Variants in ABCF2 observed in about 807,000 individuals in gnomAD.
The protein encoded by ABCF2 is ATP-binding cassette sub-family F member 2.
Under a neutral mutation model 76.9 loss-of-function variants are expected in ABCF2, and 37 were observed. The observed-to-expected ratio is 0.48, with a 90% CI of 0.37 to 0.63. ABCF2 has a LOEUF of 0.63. Ranked by LOEUF, ABCF2 falls within the 30% of genes least tolerant of loss-of-function variation. The probability of loss-of-function intolerance (pLI) is 0.00; values close to 1 mark genes in which losing one functional copy is unlikely to be tolerated. For synonymous variants in ABCF2, 299 were observed against 283.7 expected, an observed-to-expected ratio of 1.05 and a Z score of -0.54; for missense variants, 524 against 782.1, an observed-to-expected ratio of 0.67 and a Z score of 3.94.
rs1201338771 is a variant in ABCF2, at chr7:151,214,663, T to G, written c.1734+216A>C. On this transcript the variant is annotated intron_variant, in intron 14 of 14. Coordinates refer to ENST00000287844, the MANE Select transcript of ABCF2 (RefSeq NM_007189.3). This position sits in a 1 kb window ranked among gnomAD's most constrained non-coding sequence, Gnocchi z 4.9. Reference sequence around the variant, plus strand: ...GCCCAAAATGCTAAGTTGGTTGACATCTCCAGATAGCTACTGAAGAAATGA... The same window carrying G: ...GCCCAAAATGCTAAGTTGGTTGACAGCTCCAGATAGCTACTGAAGAAATGA... 6.6e-6 allele frequency among the ~76,000 whole-genome samples: 1 copy of G among 152,172 alleles called. No homozygotes were observed. Among genetic ancestry groups the G allele is most frequent in the Non-Finnish European group, 1.5e-5 (1 of 68,032 alleles).
In ABCF2 at chr7:151,213,313, G is replaced by A. The variant is rs1802084973; in HGVS notation, c.*741C>T. 1 of 984,050 alleles carries A rather than the reference G, an allele frequency of 1.0e-6. No homozygotes were observed. Among genetic ancestry groups the A allele is most frequent in the Non-Finnish European group, 1.2e-6 (1 of 828,676 alleles). The allele number at this position is 984,050 out of a possible 1,614,324, so 61.0% of individuals were successfully genotyped here. The stretch of plus-strand genomic sequence containing the variant: ...CCAGGTGATTCTGATTCATGTTAAA[G>A]TCTGTGAATCACAGGCCTGAGAAAA... On this transcript the variant is annotated 3_prime_UTR_variant, in exon 15 of 15. Transcript: ENST00000287844.
Position 151,226,520 on chromosome 7 carries a change from T to A in ABCF2, c.-42-20A>T, listed in dbSNP as rs988832645. 2 of 1,563,418 alleles carry A rather than the reference T, an allele frequency of 1.3e-6. No homozygotes were observed. The highest frequency in any genetic ancestry group is 1.7e-6 in the Non-Finnish European group (2 of 1,149,828). On this transcript the variant is annotated intron_variant, in intron 1 of 14. Coordinates refer to ENST00000287844, the MANE Select transcript of ABCF2 (RefSeq NM_007189.3). ...GGGAGCCTGAAGGAAGGCAAACAGATACCCCCAAACCCTAAACTTACTAGT... is the reference window on the plus strand; with the variant it reads ...GGGAGCCTGAAGGAAGGCAAACAGAAACCCCCAAACCCTAAACTTACTAGT...
chr7:151,226,160 C>A, intron 2 of ABCF2, 145 bp downstream of exon 2: 3 of 1,015,654 alleles, frequency 3.0e-6, no homozygotes, highest in South Asian at 3.3e-5. Flanking sequence ...GGCACGAATT[C>A]CAACTCTACT....
chr7:151,226,976 C>G (rs2150577651), intron 1 of ABCF2, 187 bp downstream of exon 1: 1 of 153,426 alleles, frequency 6.5e-6, no homozygotes, highest in African/African-American at 2.4e-5. Context: ...GCGTGAGTCC[C>G]CTCCGAGTCT....
rs1802077437 is a variant in ABCF2 at position 151,212,956 on chromosome 7, G to GT, written c.*1097dup. ...TGGGATTCCAGGCACATAAAGACGGGTTTTGCCATGTTTCCCAAGCTGGTC... is the reference window on the plus strand; with the variant it reads ...TGGGATTCCAGGCACATAAAGACGGGTTTTTGCCATGTTTCCCAAGCTGGTC... On this transcript the variant is annotated 3_prime_UTR_variant, in exon 15 of 15. Transcript: ENST00000287844. 1 of 524,888 alleles carries GT rather than the reference G, an allele frequency of 1.9e-6. No individual in the cohort carries two copies. Among genetic ancestry groups the GT allele is most frequent in the Non-Finnish European group, 2.4e-6 (1 of 409,502 alleles). 32.5% of individuals were successfully genotyped at this position (524,888 alleles called of 1,614,324 possible). A position where few individuals can be genotyped will look rare whatever the true frequency, so the allele number is the denominator to read the frequency against.
rs929872711 is a variant in ABCF2 at position 151,226,357 on chromosome 7, G to A, written c.102C>T (p.Val34=). The change falls in exon 2 of 15, where the codon GTC becomes GTT. Residue 34 remains valine, a synonymous_variant. Transcript: ENST00000287844. ...RKGHEENGDV[V]TEPQVAEKNE... The stretch of plus-strand genomic sequence containing the variant: ...TCTTCTCTGCCACCTGTGGTTCTGT[G>A]ACAACATCTCCATTTTCTTCATGTC... 10 of 1,614,084 alleles carry A rather than the reference G, an allele frequency of 6.2e-6. No homozygotes were observed. The Admixed American group carries it at 1.3e-4, about 22-fold the overall frequency.
Position 151,212,120 on chromosome 7 carries a change from G to T in ABCF2, c.*1934C>A, listed in dbSNP as rs2150570774. 1 of 984,648 alleles carries T rather than the reference G, an allele frequency of 1.0e-6. No individual in the cohort carries two copies. The highest frequency in any genetic ancestry group is 4.7e-5 in the South Asian group (1 of 21,286). The allele number at this position is 984,648 out of a possible 1,614,324, so 61.0% of individuals were successfully genotyped here. The stretch of plus-strand genomic sequence containing the variant: ...CCAAGAAGATCATGAGCTCCTAAGG[G>T]GTTTAAGCACCATCTGGGACAGTTG... On this transcript the variant is annotated 3_prime_UTR_variant, in exon 15 of 15. Coordinates refer to ENST00000287844, the MANE Select transcript of ABCF2 (RefSeq NM_007189.3).
Position 151,211,544 on chromosome 7 carries a change from C to T in ABCF2, c.*2510G>A. Reference sequence around the variant, plus strand: ...GCATTATTTAAATTACCAAGGTTGACATTTTTCTTGACAAATAAGCTGACT... The same window carrying T: ...GCATTATTTAAATTACCAAGGTTGATATTTTTCTTGACAAATAAGCTGACT... On this transcript the variant is annotated 3_prime_UTR_variant, in exon 15 of 15. Transcript: ENST00000287844. 2 of 985,304 alleles carry T rather than the reference C, an allele frequency of 2.0e-6. No individual in the cohort carries two copies. The highest frequency in any genetic ancestry group is 2.4e-6 in the Non-Finnish European group (2 of 829,830). 61.0% of individuals were successfully genotyped at this position (985,304 alleles called of 1,614,324 possible).
At chr7:151,216,547 G>A (rs1028239343) in intron 11 of ABCF2, among the ~76,000 whole-genome samples, 6 of 152,276 alleles carry the variant, frequency 3.9e-5, no homozygotes, top group African/African-American at 1.4e-4. Flanking sequence ...TTCTTTAAGA[G>A]GGAGTCTCGC....
At position 151,216,048 on chromosome 7, in the gene ABCF2, A is replaced by G. The variant is rs1376546843; in HGVS notation, c.1339-19T>C. Reference sequence around the variant, plus strand: ...GTAGTAGCTAGGAAGAAAAAAGTAGAAACGTAAGCATGAAACAAAGGAAGC... The same window carrying G: ...GTAGTAGCTAGGAAGAAAAAAGTAGGAACGTAAGCATGAAACAAAGGAAGC... On this transcript the variant is annotated intron_variant, in intron 11 of 14. Transcript: ENST00000287844. 1.2e-6 allele frequency: 2 copies of G among 1,610,150 alleles called. No homozygotes were observed. Among genetic ancestry groups the G allele is most frequent in the South Asian group, 2.2e-5 (2 of 91,012 alleles).
intron 5 of ABCF2, 92 bp downstream of exon 5, chr7:151,223,586 T>C: frequency 7.1e-7 from 1 of 1,407,976 alleles, no homozygotes; most frequent in Non-Finnish European, 9.6e-7. Context: ...CACTTACCAC[T>C]GACTCCTGTT....
chr7:151,221,629 A>G lies in ABCF2; in HGVS notation c.870T>C (p.Gly290=). The part of the protein sequence containing the change: ...LVSHSQDFLN[G]VCTNIIHMHN... ...GCATGTGAATGATATTGGTACAGAC[A>G]CCATTCAGAAAATCCTGGGAATGGG... The change falls in exon 7 of 15, where the codon GGT becomes GGC. Residue 290 remains glycine, a synonymous_variant. Coordinates refer to ENST00000287844, the MANE Select transcript of ABCF2 (RefSeq NM_007189.3). The G allele has an allele frequency of 6.2e-7, 1 of 1,612,992 alleles. No individual in the cohort carries two copies. The highest frequency in any genetic ancestry group is 8.5e-7 in the Non-Finnish European group (1 of 1,179,064).
chr7:151,216,659 GCCA>G (rs1168176084), intron 11 of ABCF2, among the ~76,000 whole-genome samples: 1 of 151,976 alleles, frequency 6.6e-6, no homozygotes, highest in Non-Finnish European at 1.5e-5. Context: ...ACAGACACCC[GCCA>G]CCACACCTGG....
At chr7:151,218,924 A>C (rs1208131953) in intron 8 of ABCF2, 51 bp from the exon 9 acceptor site, 3 of 1,610,066 alleles carry the variant, frequency 1.9e-6, no homozygotes, top group African/African-American at 1.3e-5. Context: ...TCAACAATTC[A>C]TCTTCAATCC....
At position 151,212,294 on chromosome 7, in the gene ABCF2, T is replaced by G. The variant is rs1007240821; in HGVS notation, c.*1760A>C. On this transcript the variant is annotated 3_prime_UTR_variant, in exon 15 of 15. Coordinates refer to ENST00000287844, the MANE Select transcript of ABCF2 (RefSeq NM_007189.3). ...GCTATTGAAGTTCAAAAGACCCAGA[T>G]AAGGTATGCAGAGCCCTGGGCTGGA... The G allele has an allele frequency of 5.1e-6, 5 of 985,222 alleles. No individual in the cohort carries two copies. In the African/African-American group the frequency reaches 8.8e-5, roughly 17 times the overall value. The allele number at this position is 985,222 out of a possible 1,614,324, so 61.0% of individuals were successfully genotyped here.
Position 151,214,800 on chromosome 7 carries a change from G to T in ABCF2, c.1734+79C>A. ...TCTTAATTCAGTAGGCGGGTATTAT[G>T]CACCCTCCACATGCCATGACTACCC... On this transcript the variant is annotated intron_variant, in intron 14 of 14. Transcript: ENST00000287844. This position sits in a 1 kb window ranked among gnomAD's most constrained non-coding sequence, Gnocchi z 4.9. The T allele has an allele frequency of 7.3e-7, 1 of 1,371,002 alleles. No individual in the cohort carries two copies. Among genetic ancestry groups the T allele is most frequent in the Non-Finnish European group, 1.0e-6 (1 of 966,962 alleles). The allele number at this position is 1,371,002 out of a possible 1,614,324, so 84.9% of individuals were successfully genotyped here. A position where few individuals can be genotyped will look rare whatever the true frequency, so the allele number is the denominator to read the frequency against.
intron 1 of ABCF2, 43 bp from the exon 2 acceptor site, chr7:151,226,543 A>G (rs887634904): frequency 2.1e-6 from 3 of 1,408,784 alleles, no homozygotes; most frequent in Admixed American, 2.3e-5. Flanking sequence ...TAAACTTACT[A>G]GTAAGAATGC....
In ABCF2 at chr7:151,223,768, A is replaced by G. The variant is rs1335073824; in HGVS notation, c.632T>C (p.Ile211Thr). The change falls in exon 5 of 15, where the codon ATC becomes ACC. Residue 211 changes from isoleucine to threonine, a missense_variant. Ile to Thr is a moderately conservative substitution (Grantham distance 89, BLOSUM62 -1). This residue lies in a region of ABCF2 where 330 missense variants were observed against 433.6 expected (regional missense o/e 0.76). Coordinates refer to ENST00000287844, the MANE Select transcript of ABCF2 (RefSeq NM_007189.3). ...AGGTGTGAAACCCAGTCCATGCAAG[A>G]TCCGCGAGGCCCTCATCTCTGCCTT... The part of the protein sequence containing the change: ...ADKAEMRASR[I>T]LHGLGFTPAM... 1 of 1,613,880 alleles carries G rather than the reference A, an allele frequency of 6.2e-7. No individual in the cohort carries two copies. Among genetic ancestry groups the G allele is most frequent in the Admixed American group, 1.7e-5 (1 of 59,988 alleles).
Position 151,213,272 on chromosome 7 carries a change from T to C in ABCF2, c.*782A>G. ...AACGCTGAGGCGAGATCTGGCAATC[T>C]GATTGCATGAGCCCTCCAGGTGATT... On this transcript the variant is annotated 3_prime_UTR_variant, in exon 15 of 15. Transcript: ENST00000287844. The C allele has an allele frequency of 1.0e-6, 1 of 977,736 alleles. No individual in the cohort carries two copies. The highest frequency in any genetic ancestry group is 1.2e-6 in the Non-Finnish European group (1 of 822,968). The allele number at this position is 977,736 out of a possible 1,614,324, so 60.6% of individuals were successfully genotyped here. A position where few individuals can be genotyped will look rare whatever the true frequency, so the allele number is the denominator to read the frequency against.
Sources: allele counts gnomAD v4.1 joint callset (sites outside exome capture counted in the v4.1 genomes callset), GRCh38; gene constraint gnomAD v4.1.1; regional missense constraint gnomAD v4.1.1; non-coding constraint Gnocchi (gnomAD v3.1); transcripts MANE v1.5; gene names NCBI Gene and HGNC (gene_info 2026-07-23, HGNC 2026-07-21).